Variants in LOC128462377 observed in about 807,000 individuals in gnomAD.
At chr16:89,321,506 G>A in the LOC128462377 span, among the ~76,000 whole-genome samples, 2 of 152,026 alleles carry the variant, frequency 1.3e-5, no homozygotes, top group African/African-American at 2.4e-5. Context: ...CTGCGGGGCA[G>A]GGGCTGCCCA....
the LOC128462377 span, among the ~76,000 whole-genome samples, chr16:89,372,086 A>C: frequency 1.3e-5 from 2 of 152,244 alleles, no homozygotes; most frequent in South Asian, 4.1e-4. Context: ...AGGAACCACA[A>C]GGACCACCAC....
chr16:89,394,058 T>G, the LOC128462377 span, among the ~76,000 whole-genome samples: 2 of 152,064 alleles, frequency 1.3e-5, no homozygotes, highest in Non-Finnish European at 2.9e-5. Flanking sequence ...GCTCACAGGG[T>G]GCTCCTCCCC....
chr16:89,323,678 C>T, the LOC128462377 span: 7 of 305,334 alleles, frequency 2.3e-5, no homozygotes, highest in Admixed American at 4.7e-5. Context: ...TGACAGTCCA[C>T]GTCAGCGTCT....
chr16:89,366,205 C>A, the LOC128462377 span, among the ~76,000 whole-genome samples: 3 of 151,700 alleles, frequency 2.0e-5, no homozygotes, highest in Admixed American at 6.6e-5. Context: ...TGTATATGCA[C>A]CACATTTTCT....
the LOC128462377 span, among the ~76,000 whole-genome samples, chr16:89,384,875 TTTTC>T: frequency 8.4e-6 from 1 of 119,590 alleles, no homozygotes; most frequent in African/African-American, 3.5e-5. Flanking sequence ...TGAGAAATAG[TTTTC>T]TTTTTTTTTT....
the LOC128462377 span, among the ~76,000 whole-genome samples, chr16:89,355,990 C>A: frequency 6.6e-6 from 1 of 152,148 alleles, no homozygotes; most frequent in Admixed American, 6.5e-5. Context: ...GTGGGAGGAT[C>A]ACATGAGCCC....
At chr16:89,363,981 G>A in the LOC128462377 span, among the ~76,000 whole-genome samples, 5 of 152,116 alleles carry the variant, frequency 3.3e-5, no homozygotes, top group Non-Finnish European at 7.4e-5. Context: ...GACAGCTTGA[G>A]CCCGGGAGTT....
At chr16:89,323,183 C>A in the LOC128462377 span, 3 of 607,270 alleles carry the variant, frequency 4.9e-6, no homozygotes, top group Non-Finnish European at 5.2e-6. Context: ...GCCTTGTGCA[C>A]ACCTCACAGG....
chr16:89,416,557 C>CA, the LOC128462377 span, among the ~76,000 whole-genome samples: 1 of 152,266 alleles, frequency 6.6e-6, no homozygotes, highest in Middle Eastern at 3.4e-3. Flanking sequence ...CTTGACATCT[C>CA]AAAGTGCTGG....
the LOC128462377 span, among the ~76,000 whole-genome samples, chr16:89,338,836 C>T: frequency 6.7e-6 from 1 of 149,992 alleles, no homozygotes; most frequent in Non-Finnish European, 1.5e-5. Context: ...GCAAAACAAT[C>T]ATTTCCCTTT....
At chr16:89,369,221 G>C in the LOC128462377 span, among the ~76,000 whole-genome samples, 4 of 151,984 alleles carry the variant, frequency 2.6e-5, no homozygotes, top group Non-Finnish European at 4.4e-5. Flanking sequence ...CAAAGGGCTG[G>C]TCTCCAAACA....
At chr16:89,384,600 C>T in the LOC128462377 span, among the ~76,000 whole-genome samples, 3,143 of 152,138 alleles carry the variant, frequency 0.021, 123 homozygotes, top group African/African-American at 0.072. Context: ...CAGGACAGAG[C>T]AGGGCAGCTT....
the LOC128462377 span, among the ~76,000 whole-genome samples, chr16:89,356,959 C>G: frequency 6.6e-6 from 1 of 152,220 alleles, no homozygotes; most frequent in Non-Finnish European, 1.5e-5. Flanking sequence ...CCCAAGTGAC[C>G]TGTGACCATC....
At chr16:89,360,289 G>C in the LOC128462377 span, among the ~76,000 whole-genome samples, 103 of 152,244 alleles carry the variant, frequency 6.8e-4, no homozygotes, top group African/African-American at 2.4e-3. Context: ...TAGGGATGGG[G>C]CTTCACTATG....
At chr16:89,417,790 C>T in the LOC128462377 span, among the ~76,000 whole-genome samples, 96 of 151,676 alleles carry the variant, frequency 6.3e-4, no homozygotes, top group Middle Eastern at 0.01. Context: ...AGGATCCTAA[C>T]GAGCAGAACA....
At chr16:89,317,254 G>T in the LOC128462377 span, among the ~76,000 whole-genome samples, 1 of 152,210 alleles carries the variant, frequency 6.6e-6, no homozygotes, top group Non-Finnish European at 1.5e-5. Context: ...CCCATAAAGG[G>T]GTCACCAGCA....
the LOC128462377 span, among the ~76,000 whole-genome samples, chr16:89,334,144 T>TAAAAAAAAAAAA: frequency 7.0e-4 from 29 of 41,416 alleles, 3 homozygotes; most frequent in African/African-American, 2.6e-3. Flanking sequence ...CCCTGTGTTT[T>TAAAAAAAAAAAA]AAAAAAAAAA....
chr16:89,331,006 T>C, the LOC128462377 span, among the ~76,000 whole-genome samples: 7 of 152,186 alleles, frequency 4.6e-5, no homozygotes, highest in African/African-American at 1.7e-4. Context: ...CAGGCTGGAG[T>C]GCAATGGTGC....
the LOC128462377 span, among the ~76,000 whole-genome samples, chr16:89,358,225 C>G: frequency 1.1e-4 from 16 of 152,374 alleles, no homozygotes; most frequent in East Asian, 1.9e-3. Context: ...CTCACTCTGG[C>G]ATCAGCACTG....
Sources: allele counts gnomAD v4.1 joint callset (sites outside exome capture counted in the v4.1 genomes callset), GRCh38; gene constraint gnomAD v4.1.1; transcripts MANE v1.5.